Variants in LSAMP observed in about 807,000 individuals in gnomAD.
LSAMP encodes limbic system-associated membrane protein.
Under a neutral mutation model 38.6 loss-of-function variants are expected in LSAMP, and 7 were observed. The ratio of observed to expected loss-of-function variants is 0.18; its 90% CI spans 0.10 to 0.34. The LOEUF (loss-of-function observed/expected upper bound fraction) is 0.34, where lower values mean the gene tolerates loss of function less well. LSAMP is among the 10% of genes least tolerant of loss of function. LSAMP has a pLI of 1.00. For missense variants in LSAMP, 313 were observed against 420.0 expected (o/e 0.75, Z 2.23); for synonymous variants, 154 against 166.8 (o/e 0.92, Z 0.59).
intron 3 of LSAMP, among the ~76,000 whole-genome samples, chr3:115,972,406 A>C (rs1406505057): frequency 6.6e-6 from 1 of 152,046 alleles, no homozygotes; most frequent in Non-Finnish European, 1.5e-5. Flanking sequence ...ACTACGACTA[A>C]GAAAAAAGAC....
chr3:115,856,318 C>A (rs1935505207), intron 3 of LSAMP, among the ~76,000 whole-genome samples: 1 of 152,060 alleles, frequency 6.6e-6, no homozygotes, highest in African/African-American at 2.4e-5. Context: ...GATTAGTGCC[C>A]TTATAAAAGA....
chr3:116,330,782 A>C (rs556945715), intron 1 of LSAMP, among the ~76,000 whole-genome samples: 3 of 152,288 alleles, frequency 2.0e-5, no homozygotes, highest in African/African-American at 7.2e-5. Context: ...AAACAAAAAC[A>C]TCAAACTAAG....
At chr3:116,214,693 G>A (rs1289062801) in intron 1 of LSAMP, among the ~76,000 whole-genome samples, 1 of 151,782 alleles carries the variant, frequency 6.6e-6, no homozygotes, top group African/African-American at 2.4e-5. Context: ...AGGAGAGACG[G>A]GGTTTCACCA....
At chr3:116,367,145 T>C (rs543039302) in intron 1 of LSAMP, among the ~76,000 whole-genome samples, 1 of 152,256 alleles carries the variant, frequency 6.6e-6, no homozygotes, top group South Asian at 2.1e-4. Flanking sequence ...ATTAGAAGGG[T>C]CATAGGAATA....
intron 1 of LSAMP, among the ~76,000 whole-genome samples, chr3:116,376,211 A>C (rs1275256786): frequency 6.6e-6 from 1 of 152,210 alleles, no homozygotes; most frequent in African/African-American, 2.4e-5. Flanking sequence ...TGATAAATGC[A>C]ATAAGGTGAA....
intron 1 of LSAMP, among the ~76,000 whole-genome samples, chr3:116,319,480 C>A (rs1323688431): frequency 6.6e-6 from 1 of 152,150 alleles, no homozygotes; most frequent in Non-Finnish European, 1.5e-5. Context: ...GCCTATGTAA[C>A]ACTTAGAGGG....
rs183513451 is a variant in LSAMP at position 115,907,929 on chromosome 3, G to C, written c.515-55312C>G. Among the ~76,000 whole-genome samples, 6 of 152,056 alleles carry C rather than the reference G, an allele frequency of 3.9e-5. No homozygotes were observed. The East Asian group carries it at 1.2e-3, about 29-fold the overall frequency. ...CCACTTACTGGGCAGTTTCCAAATG[G>C]GCAACATAGCCCCATCTCATGTCAC... On this transcript the variant is annotated intron_variant, in intron 3 of 6. Coordinates refer to ENST00000490035, the MANE Select transcript of LSAMP (RefSeq NM_002338.5).
At chr3:115,927,875 G>C (rs1576226596) in intron 3 of LSAMP, among the ~76,000 whole-genome samples, 2 of 152,152 alleles carry the variant, frequency 1.3e-5, no homozygotes, top group East Asian at 3.9e-4. Flanking sequence ...CCTTGCTCCA[G>C]CCACATACCT....
At chr3:116,392,883 C>A (rs1237023536) in intron 1 of LSAMP, among the ~76,000 whole-genome samples, 1 of 152,078 alleles carries the variant, frequency 6.6e-6, no homozygotes, top group African/African-American at 2.4e-5. Context: ...CCCAGGGTCT[C>A]CTCTCTGTTG....
chr3:116,001,400 AG>A (rs1939989827), intron 3 of LSAMP, among the ~76,000 whole-genome samples: 1 of 152,244 alleles, frequency 6.6e-6, no homozygotes, highest in Non-Finnish European at 1.5e-5. Context: ...ATTTCCTTCC[AG>A]AAAAGCTCAA....
rs574221984 is a variant in LSAMP at position 116,122,008 on chromosome 3, T to C, written c.156-35452A>G. Among the ~76,000 whole-genome samples, 4 of 151,640 alleles carry C rather than the reference T, an allele frequency of 2.6e-5. No individual in the cohort carries two copies. In the South Asian group the frequency reaches 8.3e-4, roughly 32 times the overall value. On this transcript the variant is annotated intron_variant, in intron 1 of 6. Transcript: ENST00000490035. ...GCCAAAAGATTGGCCACCCCTGTTC[T>C]AGAGTCTGTGCTGTTCATTATTTCA...
intron 3 of LSAMP, among the ~76,000 whole-genome samples, chr3:115,859,582 C>T (rs78023307): frequency 0.015 from 2,273 of 152,298 alleles, 51 homozygotes; most frequent in African/African-American, 0.052. Context: ...AAATTGGCCC[C>T]ATGCCTTCTG....
chr3:115,901,700 A>T (rs1316349586), intron 3 of LSAMP, among the ~76,000 whole-genome samples: 1 of 152,178 alleles, frequency 6.6e-6, no homozygotes, highest in Non-Finnish European at 1.5e-5. Context: ...AAAATCTTCC[A>T]AATACCACCC....
chr3:115,947,391 A>G (rs968684621), intron 3 of LSAMP, among the ~76,000 whole-genome samples: 3 of 152,220 alleles, frequency 2.0e-5, no homozygotes, highest in Non-Finnish European at 4.4e-5. Flanking sequence ...GTGCATGAAC[A>G]TATACAGAAT....
At chr3:116,170,253 A>T (rs529009900) in intron 1 of LSAMP, among the ~76,000 whole-genome samples, 1 of 151,134 alleles carries the variant, frequency 6.6e-6, no homozygotes, top group East Asian at 1.9e-4. Context: ...CACAATGCCT[A>T]TCAATTGCCT....
rs975684830 is a variant in LSAMP at position 116,148,322 on chromosome 3, T to C, written c.156-61766A>G. On this transcript the variant is annotated intron_variant, in intron 1 of 6. Transcript: ENST00000490035. ...TTTTGCAAACCAGTATTAACACTTATATAATGTCACACAGGTGACTCCTGC... is the reference window on the plus strand; with the variant it reads ...TTTTGCAAACCAGTATTAACACTTACATAATGTCACACAGGTGACTCCTGC... Among the ~76,000 whole-genome samples, 5 of 151,956 alleles carry C rather than the reference T, an allele frequency of 3.3e-5. No homozygotes were observed. The East Asian group carries it at 5.8e-4, about 18-fold the overall frequency.
intron 1 of LSAMP, among the ~76,000 whole-genome samples, chr3:116,298,931 T>C (rs2047371181): frequency 6.6e-6 from 1 of 152,126 alleles, no homozygotes; most frequent in Non-Finnish European, 1.5e-5. Flanking sequence ...ATGTGGGTAT[T>C]TGCCAAACAC....
intron 6 of LSAMP, among the ~76,000 whole-genome samples, chr3:115,832,938 A>G (rs192032502): frequency 8.5e-4 from 129 of 152,248 alleles, no homozygotes; most frequent in African/African-American, 2.8e-3. Context: ...TCTTTTGTGA[A>G]TGGTGTCTGG....
At position 116,444,392 on chromosome 3, in the gene LSAMP, A is replaced by AACAC. The variant is rs202044043; in HGVS notation, c.155+481_155+484dup. Among the ~76,000 whole-genome samples the AACAC allele has an allele frequency of 8.3e-3, 1,199 of 144,316 alleles. 11 individuals carry two copies. Among genetic ancestry groups the AACAC allele is most frequent in the African/African-American group, 0.012 (476 of 38,718 alleles). The allele number at this position is 144,316 out of a possible 152,430, so 94.7% of individuals were successfully genotyped here. A position where few individuals can be genotyped will look rare whatever the true frequency, so the allele number is the denominator to read the frequency against. The stretch of plus-strand genomic sequence containing the variant: ...TGTGTGTGTGTGTGTTGGCATGAAA[A>AACAC]ACACACACACACACACACAGACACG... On this transcript the variant is annotated intron_variant, in intron 1 of 6. Coordinates refer to ENST00000490035, the MANE Select transcript of LSAMP (RefSeq NM_002338.5).
Sources: gnomAD v4.1 joint callset for allele counts (sites outside exome capture counted in the v4.1 genomes callset) on GRCh38, gnomAD v4.1.1 for gene constraint, MANE v1.5 for transcripts, NCBI Gene and HGNC (gene_info 2026-07-23, HGNC 2026-07-21) for gene names.